Variants in EBF1 observed in about 807,000 individuals in gnomAD.
EBF1 encodes the protein EBF transcription factor 1.
In EBF1, 10 loss-of-function variants were observed where a neutral mutation model predicts 68.4. The ratio of observed to expected loss-of-function variants is 0.15; its 90% CI spans 0.09 to 0.25. The LOEUF is 0.25. EBF1 is among the 10% of genes least tolerant of loss of function. EBF1 has a pLI of 1.00. For synonymous variants in EBF1, 298 were observed against 299.8 expected, an observed-to-expected ratio of 0.99 and a Z score of 0.06; for missense variants, 509 against 794.4, an observed-to-expected ratio of 0.64 and a Z score of 4.32.
At chr5:158,733,663 A>G (rs1764579302) in intron 10 of EBF1, among the ~76,000 whole-genome samples, 2 of 152,206 alleles carry the variant, frequency 1.3e-5, no homozygotes, top group African/African-American at 4.8e-5. Context: ...GAGAGAGGAA[A>G]TATTTAAATA....
intron 6 of EBF1, among the ~76,000 whole-genome samples, chr5:159,057,639 G>A (rs1314098944): frequency 6.6e-6 from 1 of 152,170 alleles, no homozygotes; most frequent in Non-Finnish European, 1.5e-5. Context: ...CTTGGCTTAT[G>A]GTCCTGGCTC....
At chr5:158,990,901 C>T (rs1760174103) in intron 6 of EBF1, among the ~76,000 whole-genome samples, 1 of 152,204 alleles carries the variant, frequency 6.6e-6, no homozygotes, top group Non-Finnish European at 1.5e-5. Context: ...CCATCAATTT[C>T]CATTTTTCTC....
intron 6 of EBF1, among the ~76,000 whole-genome samples, chr5:158,941,903 G>T (rs561128082): frequency 6.6e-6 from 1 of 152,244 alleles, no homozygotes; most frequent in East Asian, 1.9e-4. Flanking sequence ...GTGATTCGTC[G>T]GATGGGAAGG....
intron 4 of EBF1, among the ~76,000 whole-genome samples, chr5:159,093,831 T>C (rs1394902875): frequency 1.3e-5 from 2 of 152,054 alleles, no homozygotes; most frequent in African/African-American, 4.8e-5. Flanking sequence ...CAATTGTTCA[T>C]TTCATAGTGC....
intron 6 of EBF1, among the ~76,000 whole-genome samples, chr5:158,892,952 C>T (rs1801468444): frequency 6.6e-6 from 1 of 152,006 alleles, no homozygotes; most frequent in African/African-American, 2.4e-5. Flanking sequence ...ATTCCTTTGG[C>T]TTCATTTCTG....
At chr5:159,047,469 T>C (rs1177628537) in intron 6 of EBF1, among the ~76,000 whole-genome samples, 1 of 151,776 alleles carries the variant, frequency 6.6e-6, no homozygotes, top group East Asian at 1.9e-4. Flanking sequence ...GTGGCAGAGT[T>C]GGGGTGGCGC....
chr5:159,034,780 C>T (rs1193492731), intron 6 of EBF1, among the ~76,000 whole-genome samples: 2 of 152,092 alleles, frequency 1.3e-5, no homozygotes, highest in African/African-American at 4.8e-5. Flanking sequence ...GGCCTCAATG[C>T]AAGATTTCAA....
Position 158,724,370 on chromosome 5 carries a change from T to C in EBF1, c.1125+6699A>G, listed in dbSNP as rs181509798. The stretch of plus-strand genomic sequence containing the variant: ...AGTGAGAGAGAGGCTAGTGTCAGTG[T>C]GGAAGATGAAGATGTTAAGTCGTTC... On this transcript the variant is annotated intron_variant, in intron 11 of 15. Coordinates refer to ENST00000313708, the MANE Select transcript of EBF1 (RefSeq NM_024007.5). Among the ~76,000 whole-genome samples the C allele has an allele frequency of 1.3e-5, 2 of 152,344 alleles. 1 individual carries two copies. The highest frequency in any genetic ancestry group is 1.3e-4 in the Admixed American group (2 of 15,298).
chr5:159,086,034 C>T (rs1780583885), intron 4 of EBF1, among the ~76,000 whole-genome samples: 1 of 152,046 alleles, frequency 6.6e-6, no homozygotes, highest in South Asian at 2.1e-4. Context: ...ATTGGCCCAT[C>T]GAAACCACTT....
At chr5:159,095,944 C>A (rs750020634) in intron 3 of EBF1, among the ~76,000 whole-genome samples, 17 of 152,232 alleles carry the variant, frequency 1.1e-4, no homozygotes, top group Non-Finnish European at 1.8e-4. Context: ...ATGGGGGTAC[C>A]CCGACTTGTC....
intron 6 of EBF1, among the ~76,000 whole-genome samples, chr5:158,884,194 C>G (rs1799531110): frequency 6.6e-6 from 1 of 152,138 alleles, no homozygotes; most frequent in Admixed American, 6.5e-5. Context: ...TGCTGTGACA[C>G]TAAATCAAGT....
chr5:158,708,647 G>A (rs1042842007), intron 14 of EBF1, among the ~76,000 whole-genome samples: 5 of 152,196 alleles, frequency 3.3e-5, no homozygotes, highest in African/African-American at 4.8e-5. Flanking sequence ...CTCAGTGGAG[G>A]CAGGGAAGGG....
chr5:158,760,163 C>A (rs1428874029), intron 10 of EBF1, among the ~76,000 whole-genome samples: 1 of 152,242 alleles, frequency 6.6e-6, no homozygotes, highest in African/African-American at 2.4e-5. Flanking sequence ...GACTTATGAA[C>A]TTGAATTTCA....
At chr5:159,020,516 C>A (rs1282217064) in intron 6 of EBF1, among the ~76,000 whole-genome samples, 3 of 152,164 alleles carry the variant, frequency 2.0e-5, no homozygotes, top group Non-Finnish European at 4.4e-5. Context: ...GCTCTCTTTA[C>A]CACCTCCTCC....
chr5:158,829,205 C>T (rs1049466822), intron 7 of EBF1, among the ~76,000 whole-genome samples: 9 of 152,134 alleles, frequency 5.9e-5, no homozygotes, highest in African/African-American at 2.2e-4. Flanking sequence ...GAGACAGGGT[C>T]CTGCTCTGTC....
intron 8 of EBF1, among the ~76,000 whole-genome samples, chr5:158,805,156 C>T (rs540851972): frequency 1.3e-5 from 2 of 152,086 alleles, no homozygotes; most frequent in South Asian, 4.2e-4. Flanking sequence ...AATGGACACC[C>T]AATATTGTGA....
intron 5 of EBF1, among the ~76,000 whole-genome samples, chr5:159,078,005 G>T (rs1377624689): frequency 6.6e-6 from 1 of 152,046 alleles, no homozygotes; most frequent in East Asian, 1.9e-4. Flanking sequence ...CTCCCAAAGT[G>T]CTGGGATTAC....
At chr5:158,778,791 T>C (rs529395617) in intron 9 of EBF1, among the ~76,000 whole-genome samples, 1 of 152,308 alleles carries the variant, frequency 6.6e-6, no homozygotes, top group Non-Finnish European at 1.5e-5. Context: ...ATAAAAACCA[T>C]TTTAACTTAG....
chr5:158,890,845 T>C (rs1801034217), intron 6 of EBF1, among the ~76,000 whole-genome samples: 2 of 152,240 alleles, frequency 1.3e-5, no homozygotes, highest in Non-Finnish European at 2.9e-5. Flanking sequence ...TTGATGGTAT[T>C]AGTTCTACCT....
Sources: allele counts gnomAD v4.1 joint callset (sites outside exome capture counted in the v4.1 genomes callset), GRCh38; gene constraint gnomAD v4.1.1; transcripts MANE v1.5; gene names NCBI Gene and HGNC (gene_info 2026-07-23, HGNC 2026-07-21).